COL12A1: variants seen among roughly 807,000 people sequenced by gnomAD.
COL12A1 encodes the protein collagen type XII alpha 1 chain, also known as collagen alpha-1(XII) chain.
Under a neutral mutation model 349.7 loss-of-function variants are expected in COL12A1, and 114 were observed. That is an observed-to-expected ratio of 0.33 (90% CI 0.28 to 0.38). COL12A1 has a LOEUF of 0.38. COL12A1 is among the 10% of genes least tolerant of loss of function. COL12A1 has a pLI of 1.00. For missense variants in COL12A1, 3,284 were observed against 3,756.9 expected, an observed-to-expected ratio of 0.87 and a Z score of 3.29; for synonymous variants, 1,369 against 1,329.0, an observed-to-expected ratio of 1.03 and a Z score of -0.66.
intron 14 of COL12A1, among the ~76,000 whole-genome samples, chr6:75,162,671 T>C (rs1466365031): frequency 6.6e-6 from 1 of 152,156 alleles, no homozygotes; most frequent in Non-Finnish European, 1.5e-5. Flanking sequence ...GGAATCTGAT[T>C]AAACTAAAGA....
At chr6:75,141,673 C>A (rs1340475314) in intron 27 of COL12A1, among the ~76,000 whole-genome samples, 1 of 152,114 alleles carries the variant, frequency 6.6e-6, no homozygotes, top group African/African-American at 2.4e-5. Flanking sequence ...TAGTAAAATA[C>A]CCCAAAAAAT....
chr6:75,163,957 A>G (rs1322832060), intron 14 of COL12A1, among the ~76,000 whole-genome samples: 1 of 152,210 alleles, frequency 6.6e-6, no homozygotes, highest in Admixed American at 6.5e-5. Context: ...TCTCAGCCAC[A>G]TGAACTGTAT....
intron 15 of COL12A1, 108 bp from the exon 16 acceptor site, chr6:75,155,962 G>C (rs533274577): frequency 5.1e-6 from 6 of 1,173,568 alleles, no homozygotes; most frequent in South Asian, 4.9e-5. Context: ...GTTTAAGTCC[G>C]GTAGCACAAA....
intron 13 of COL12A1, among the ~76,000 whole-genome samples, chr6:75,174,598 T>C (rs1768820018): frequency 6.6e-6 from 1 of 152,196 alleles, no homozygotes; most frequent in African/African-American, 2.4e-5. Flanking sequence ...CTTGAGCTTT[T>C]ATGCATGGTA....
intron 58 of COL12A1, among the ~76,000 whole-genome samples, chr6:75,099,216 CA>C (rs570143809): frequency 6.0e-5 from 9 of 150,548 alleles, no homozygotes; most frequent in African/African-American, 1.7e-4. Context: ...TCCACTTCCC[CA>C]AAAAAAAACT....
intron 58 of COL12A1, 147 bp from the exon 59 acceptor site, chr6:75,097,453 A>G (rs530695994): frequency 1.0e-5 from 5 of 502,340 alleles, no homozygotes; most frequent in African/African-American, 5.8e-5. Flanking sequence ...ATAAAAAGAC[A>G]AACAGCAAAA....
At chr6:75,202,876 T>A in intron 1 of COL12A1, 49 bp from the exon 2 acceptor site, 1 of 1,319,708 alleles carries the variant, frequency 7.6e-7, no homozygotes, top group Non-Finnish European at 1.1e-6. Context: ...GGGCAGGCCT[T>A]GAACCAGGTT....
rs565216683 is a variant in COL12A1, at chr6:75,141,390, A to G, written c.4957+642T>C. Among the ~76,000 whole-genome samples, 4 of 152,322 alleles carry G rather than the reference A, an allele frequency of 2.6e-5. No individual in the cohort carries two copies. In the East Asian group the frequency reaches 7.7e-4, roughly 29 times the overall value. On this transcript the variant is annotated intron_variant, in intron 27 of 65. Transcript: ENST00000322507. Reference sequence around the variant, plus strand: ...CTGTGTTAAATACTATGGAGAAACCATGAGAGGGAGAGGAACTGACATCTC... The same window carrying G: ...CTGTGTTAAATACTATGGAGAAACCGTGAGAGGGAGAGGAACTGACATCTC...
In COL12A1 at chr6:75,183,200, G is replaced by A. The variant is rs764727126; in HGVS notation, c.1741C>T (p.Arg581Cys). Residue 581 changes from arginine to cysteine, a missense_variant, in exon 10 of 66, where the codon CGC becomes TGC. By Grantham distance (180) the Arg-to-Cys change is radical. Around this residue, in one of 2 missense-constraint regions of COL12A1, gnomAD observed 2,601 missense variants for 2,824.8 expected, o/e 0.92. Transcript: ENST00000322507. The part of the protein sequence containing the change: ...IFAVGVKDAV[R>C]SELEAIASPP... Reference sequence around the variant, plus strand: ...GAGGCAATAGCTTCCAATTCTGAGCGAACGGCATCCTTCACACCAACTGCA... The same window carrying A: ...GAGGCAATAGCTTCCAATTCTGAGCAAACGGCATCCTTCACACCAACTGCA... 19 of 1,614,040 alleles carry A rather than the reference G, an allele frequency of 1.2e-5. No homozygotes were observed. The highest frequency in any genetic ancestry group is 6.7e-5 in the Admixed American group (4 of 59,982).
At chr6:75,176,701 A>G (rs957780691) in intron 12 of COL12A1, among the ~76,000 whole-genome samples, 2 of 152,232 alleles carry the variant, frequency 1.3e-5, no homozygotes, top group African/African-American at 4.8e-5. Flanking sequence ...AGCTGAGATG[A>G]TGATAATAAT....
At chr6:75,135,216 T>C (rs1766530977) in intron 31 of COL12A1, among the ~76,000 whole-genome samples, 1 of 152,130 alleles carries the variant, frequency 6.6e-6, no homozygotes, top group African/African-American at 2.4e-5. Context: ...TATGAAACAA[T>C]TGCATAATTT....
At chr6:75,200,337 C>T (rs992591766) in intron 2 of COL12A1, among the ~76,000 whole-genome samples, 15 of 152,166 alleles carry the variant, frequency 9.9e-5, no homozygotes, top group Non-Finnish European at 1.9e-4. Flanking sequence ...CTTTGGGAGG[C>T]CGAGGCAGGT....
chr6:75,155,811 T>C lies in COL12A1; in HGVS notation c.3294A>G (p.Pro1098=). ...AAGTCACTCGGAAGCTTGACATGGT[T>C]GGGTCAGATGTTTTGAGGTTTCTAG... The part of the protein sequence containing the change: ...KSPRNLKTSD[P]TMSSFRVTWE... Residue 1098 remains proline, a synonymous_variant, in exon 16 of 66, where the codon CCA becomes CCG. Coordinates refer to ENST00000322507, the MANE Select transcript of COL12A1 (RefSeq NM_004370.6). 1 of 1,611,834 alleles carries C rather than the reference T, an allele frequency of 6.2e-7. No individual in the cohort carries two copies. Among genetic ancestry groups the C allele is most frequent in the Non-Finnish European group, 8.5e-7 (1 of 1,179,182 alleles).
At chr6:75,146,492 CA>C (rs1353748942) in intron 23 of COL12A1, among the ~76,000 whole-genome samples, 1 of 152,182 alleles carries the variant, frequency 6.6e-6, no homozygotes, top group Non-Finnish European at 1.5e-5. Flanking sequence ...GTTCAGGTGT[CA>C]AATGGCATTC....
chr6:75,204,920 C>T (rs1232653723), intron 1 of COL12A1, among the ~76,000 whole-genome samples: 3 of 152,144 alleles, frequency 2.0e-5, no homozygotes, highest in Middle Eastern at 3.2e-3. Context: ...TAGAAGACTA[C>T]AGAGTCCGGA....
At chr6:75,171,333 C>A (rs908389034) in intron 13 of COL12A1, among the ~76,000 whole-genome samples, 3 of 152,150 alleles carry the variant, frequency 2.0e-5, no homozygotes. Context: ...CTACAGCCAA[C>A]CATGAACTTC....
chr6:75,086,741 T>C (rs539692260), intron 65 of COL12A1, among the ~76,000 whole-genome samples, 184 bp from the exon 66 acceptor site: 26 of 151,340 alleles, frequency 1.7e-4, no homozygotes, highest in African/African-American at 6.1e-4. Context: ...AGAATTAAAT[T>C]GCAATTTTTT....
intron 2 of COL12A1, among the ~76,000 whole-genome samples, chr6:75,197,895 G>T (rs1770315624): frequency 2.0e-5 from 3 of 152,158 alleles, no homozygotes. Context: ...TAAACTGGCA[G>T]GATTTAGGAC....
At position 75,102,711 on chromosome 6, in the gene COL12A1, A is replaced by G. The variant is rs369006332; in HGVS notation, c.8320-19T>C. On this transcript the variant is annotated intron_variant, in intron 55 of 65. Transcript: ENST00000322507. The stretch of plus-strand genomic sequence containing the variant: ...GGGGCCCCTAAAATACACAAGAGAG[A>G]GACAACCACAAAGTAATGTAATACC... 1.9e-4 allele frequency: 290 copies of G among 1,495,132 alleles called. 1 individual carries two copies. The highest frequency in any genetic ancestry group is 5.8e-4 in the Admixed American group (24 of 41,376). 92.6% of individuals were successfully genotyped at this position (1,495,132 alleles called of 1,614,324 possible). A position where few individuals can be genotyped will look rare whatever the true frequency, so the allele number is the denominator to read the frequency against.
Sources: gnomAD v4.1 joint callset for allele counts (sites outside exome capture counted in the v4.1 genomes callset) on GRCh38, gnomAD v4.1.1 for gene constraint, gnomAD v4.1.1 regional missense constraint, MANE v1.5 for transcripts, NCBI Gene and HGNC (gene_info 2026-07-23, HGNC 2026-07-21) for gene names.